The following PRKCH variants were observed in gnomAD, a reference collection of about 807,000 sequenced individuals.
The protein encoded by PRKCH is protein kinase C eta.
Under a neutral mutation model 82.5 loss-of-function variants are expected in PRKCH, and 28 were observed. That is an observed-to-expected ratio of 0.34 (90% CI 0.25 to 0.47). The LOEUF is 0.47. PRKCH is among the 20% of genes least tolerant of loss of function. PRKCH has a pLI of 1.00. For missense variants in PRKCH, 705 were observed against 881.8 expected (o/e 0.80, Z 2.54); for synonymous variants, 322 against 327.4 (o/e 0.98, Z 0.18).
intron 1 of PRKCH, among the ~76,000 whole-genome samples, chr14:61,201,783 G>A (rs1031188466): frequency 2.0e-5 from 3 of 152,024 alleles, no homozygotes; most frequent in African/African-American, 7.2e-5. Flanking sequence ...ATTTTTTAAA[G>A]CACTATTCAA....
chr14:61,202,229 C>A (rs1252230860), intron 1 of PRKCH, among the ~76,000 whole-genome samples: 1 of 152,152 alleles, frequency 6.6e-6, no homozygotes, highest in Non-Finnish European at 1.5e-5. Context: ...CCCACCCATC[C>A]CAAGGTTCAG....
chr14:61,371,357 T>C (rs997136905), intron 1 of PRKCH, among the ~76,000 whole-genome samples: 1 of 152,052 alleles, frequency 6.6e-6, no homozygotes, highest in African/African-American at 2.4e-5. Context: ...CCTTAGATTT[T>C]ACCTACTGTT....
intron 1 of PRKCH, among the ~76,000 whole-genome samples, chr14:61,195,256 A>G (rs1035124395): frequency 6.6e-6 from 1 of 152,112 alleles, no homozygotes; most frequent in South Asian, 2.1e-4. Context: ...TTTATCTTCT[A>G]TCTGTGGTAC....
chr14:61,426,545 A>T (rs185009992), intron 2 of PRKCH, among the ~76,000 whole-genome samples: 1 of 152,306 alleles, frequency 6.6e-6, no homozygotes, highest in East Asian at 1.9e-4. Context: ...GATCTAGGGT[A>T]ATTTCTCTTT....
intron 2 of PRKCH, among the ~76,000 whole-genome samples, chr14:61,410,285 A>T (rs1480726220): frequency 6.6e-6 from 1 of 152,320 alleles, no homozygotes; most frequent in East Asian, 1.9e-4. Flanking sequence ...ATTAATTAAA[A>T]TATCTCTTAT....
At chr14:61,261,426 A>G (rs552050997) in intron 1 of PRKCH, among the ~76,000 whole-genome samples, 21 of 152,310 alleles carry the variant, frequency 1.4e-4, no homozygotes, top group Middle Eastern at 6.8e-3. Context: ...TGTCCCTACC[A>G]TCGGTCACCC....
chr14:61,469,659 T>A (rs1265221041), intron 9 of PRKCH, among the ~76,000 whole-genome samples: 1 of 152,226 alleles, frequency 6.6e-6, no homozygotes, highest in Non-Finnish European at 1.5e-5. Context: ...TTCTAGTTTT[T>A]AAATAACTTG....
intron 2 of PRKCH, among the ~76,000 whole-genome samples, chr14:61,428,844 A>T (rs1014839590): frequency 1.3e-5 from 2 of 151,292 alleles, no homozygotes; most frequent in African/African-American, 2.4e-5. Flanking sequence ...AGTTAAAAAC[A>T]TTTTTTTTTC....
chr14:61,319,583 T>G (rs1229187792), upstream of PRKCH, among the ~76,000 whole-genome samples: 3 of 152,290 alleles, frequency 2.0e-5, no homozygotes, highest in African/African-American at 7.2e-5. Flanking sequence ...AAAAAAAATT[T>G]AAAGTCTACA....
chr14:61,476,827 C>A (rs549034102), intron 9 of PRKCH, among the ~76,000 whole-genome samples: 3 of 152,116 alleles, frequency 2.0e-5, no homozygotes, highest in Non-Finnish European at 4.4e-5. Flanking sequence ...ATTGAATTAA[C>A]CTCTGACATC....
chr14:61,190,891 G>C (rs894816186), intron 1 of PRKCH, among the ~76,000 whole-genome samples: 1 of 152,030 alleles, frequency 6.6e-6, no homozygotes, highest in African/African-American at 2.4e-5. Context: ...TATTTCCATA[G>C]CACTGAAATT....
intron 1 of PRKCH, chr14:61,305,975 G>C (rs2045483100): frequency 6.6e-6 from 1 of 152,150 alleles, no homozygotes; most frequent in African/African-American, 2.4e-5. Flanking sequence ...ATGGTGTTGA[G>C]GTTTATTCTA....
chr14:61,276,954 C>A (rs1034991508), intron 1 of PRKCH, among the ~76,000 whole-genome samples: 1 of 152,072 alleles, frequency 6.6e-6, no homozygotes, highest in African/African-American at 2.4e-5. Context: ...GAGGCCAAGG[C>A]GGGCAGATCA....
chr14:61,331,088 A>T (rs1024548566), intron 1 of PRKCH, among the ~76,000 whole-genome samples: 9 of 152,234 alleles, frequency 5.9e-5, no homozygotes, highest in Admixed American at 2.0e-4. Flanking sequence ...CTAACTCATG[A>T]GAAGTGTAAT....
At position 61,449,267 on chromosome 14, in the gene PRKCH, G is replaced by A. The variant is rs371843432; in HGVS notation, c.702+15G>A. 15 of 1,598,886 alleles carry A rather than the reference G, an allele frequency of 9.4e-6. No homozygotes were observed. The Admixed American group carries it at 2.3e-4, about 25-fold the overall frequency. ...TGGATTCAAAGGTAAGAGGATAGCA[G>A]TTTGCTGATTAAATGTGCGTGTGTA... On this transcript the variant is annotated intron_variant, in intron 5 of 13. Transcript: ENST00000332981.
chr14:61,205,162 A>G (rs745793962), intron 1 of PRKCH, among the ~76,000 whole-genome samples: 75 of 152,204 alleles, frequency 4.9e-4, no homozygotes, highest in Non-Finnish European at 6.2e-4. Context: ...TTCAAGAGGA[A>G]AGCAACTCGT....
upstream of PRKCH, among the ~76,000 whole-genome samples, chr14:61,317,691 C>A (rs2045574883): frequency 6.6e-6 from 1 of 152,160 alleles, no homozygotes; most frequent in Non-Finnish European, 1.5e-5. Context: ...GACACCACAT[C>A]TTCCTGGCTA....
chr14:61,445,321 G>A (rs371569438), intron 3 of PRKCH, among the ~76,000 whole-genome samples: 8 of 152,222 alleles, frequency 5.3e-5, no homozygotes, highest in Admixed American at 1.3e-4. Context: ...ATCTGTGTCC[G>A]TTTACTTCAG....
At chr14:61,470,056 T>C (rs1369599416) in intron 9 of PRKCH, among the ~76,000 whole-genome samples, 1 of 151,348 alleles carries the variant, frequency 6.6e-6, no homozygotes, top group African/African-American at 2.4e-5. Context: ...AATTCCTGGA[T>C]TTTCCTTTCA....
Sources: allele counts gnomAD v4.1 joint callset (sites outside exome capture counted in the v4.1 genomes callset), GRCh38; gene constraint gnomAD v4.1.1; transcripts MANE v1.5; gene names NCBI Gene and HGNC (gene_info 2026-07-23, HGNC 2026-07-21).